Variants in SFPQ observed in about 807,000 individuals in gnomAD.
SFPQ encodes the protein splicing factor proline and glutamine rich.
Under a neutral mutation model 72.9 loss-of-function variants are expected in SFPQ, and 11 were observed. That is an observed-to-expected ratio of 0.15 (90% CI 0.09 to 0.25). The LOEUF is 0.25. SFPQ is among the 10% of genes least tolerant of loss of function. SFPQ has a pLI of 1.00. For missense variants in SFPQ, 847 were observed against 993.3 expected (o/e 0.85, Z 1.98); for synonymous variants, 506 against 367.3 (o/e 1.38, Z -4.32).
rs775677201 is a variant in SFPQ, at chr1:35,187,250, C to T, written c.1817G>A (p.Arg606Gln). Residue 606 changes from arginine (R) to glutamine (Q), a missense_variant and splice_region_variant, in exon 8 of 10, where the codon CGG (arginine) becomes CAG (glutamine). By Grantham distance (43) the Arg-to-Gln change is conservative (BLOSUM62 1). This residue lies in a region of SFPQ where 154 missense variants were observed against 186.0 expected (regional missense o/e 0.83). Coordinates refer to ENST00000357214, the MANE Select transcript of SFPQ (RefSeq NM_005066.3). ...GCCACCCATTCGCATGTCTCTTTCC[C>T]GCTGCAAGAAAAAAATTCCTTTCAA... ...SYSRMGYMDP[R>Q]ERDMRMGGGG... 1.9e-6 allele frequency: 3 copies of T among 1,614,056 alleles called. No homozygotes were observed. The highest frequency in any genetic ancestry group is 1.1e-5 in the South Asian group (1 of 91,074).
At chr1:35,179,082 G>A (rs1639363694), downstream of SFPQ, 1 of 1,056,824 alleles carries the variant, frequency 9.5e-7, no homozygotes, top group African/African-American at 1.6e-5. Context: ...TTTGAGAACT[G>A]CACTAGCTGA....
chr1:35,189,399 T>C lies in SFPQ; in HGVS notation c.1416-17A>G, dbSNP rs1316995932. The C allele has an allele frequency of 6.3e-7, 1 of 1,599,864 alleles. No homozygotes were observed. Among genetic ancestry groups the C allele is most frequent in the Non-Finnish European group, 8.6e-7 (1 of 1,168,756 alleles). ...TCTCTCTCCCTAACAATACACAAAA[T>C]TTTAACATGAACCGATTTGTGAATG... is the stretch of plus-strand genomic sequence containing the variant. On this transcript the variant is annotated splice_polypyrimidine_tract_variant and intron_variant, in intron 4 of 9. Transcript: ENST00000357214.
downstream of SFPQ, chr1:35,180,900 A>T: frequency 1.0e-6 from 1 of 985,334 alleles, no homozygotes; most frequent in Non-Finnish European, 1.2e-6. Flanking sequence ...ACTGAGTCAG[A>T]TATACCAAAG....
At position 35,187,986 on chromosome 1, in the gene SFPQ, C is replaced by T. The variant is rs762720031; in HGVS notation, c.1802G>A (p.Gly601Asp). ...AGGCTGACTTACTGGATCCATGTAG[C>T]CCATTCGGCTGTAACTTTCCTCTCT... is the stretch of plus-strand genomic sequence containing the variant. ...RQREESYSRMGYMDPRERDMR... is the reference protein window; with the variant it reads ...RQREESYSRMDYMDPRERDMR... Residue 601 changes from glycine to aspartate, a missense_variant, in exon 7 of 10, where the codon GGC becomes GAC. Transcript: ENST00000357214. 6.2e-7 allele frequency: 1 copy of T among 1,612,284 alleles called. No individual in the cohort carries two copies. Among genetic ancestry groups the T allele is most frequent in the Non-Finnish European group, 8.5e-7 (1 of 1,178,310 alleles).
chr1:35,176,664 T>A (rs768838364), intron 5 of SFPQ, among the ~76,000 whole-genome samples: 10 of 146,754 alleles, frequency 6.8e-5, no homozygotes, highest in Non-Finnish European at 1.5e-4. Flanking sequence ...GGTCAGGAGA[T>A]CAAGACCACC....
At position 35,192,625 on chromosome 1, in the gene SFPQ, G is replaced by A; in HGVS notation, c.425C>T (p.Pro142Leu). Residue 142 changes from proline to leucine, a missense_variant, in exon 1 of 10, where the codon CCG becomes CTG. Around this residue, in one of 6 missense-constraint regions of SFPQ, gnomAD observed 498 missense variants for 405.1 expected, o/e 1.23. Transcript: ENST00000357214. Reference protein sequence around the residue: ...PPATPPTSGAPPGSGPGPTPT... With the variant: ...PPATPPTSGALPGSGPGPTPT... ...AGTCGGGCCTGGCCCGGACCCTGGC[G>A]GGGCCCCCGAGGTTGGTGGAGTGGC... is the stretch of plus-strand genomic sequence containing the variant. 7.3e-7 allele frequency: 1 copy of A among 1,370,398 alleles called. No homozygotes were observed. The highest frequency in any genetic ancestry group is 9.3e-7 in the Non-Finnish European group (1 of 1,070,198). 84.9% of individuals were successfully genotyped at this position (1,370,398 alleles called of 1,614,324 possible).
In SFPQ at chr1:35,183,535, A is replaced by T. The variant is rs1163970613; in HGVS notation, c.*921T>A. The T allele has an allele frequency of 9.9e-7, 1 of 1,014,968 alleles. No individual in the cohort carries two copies. The highest frequency in any genetic ancestry group is 1.7e-5 in the African/African-American group (1 of 58,234). 62.9% of individuals were successfully genotyped at this position (1,014,968 alleles called of 1,614,324 possible). ...CCCGGCCCAGTTACTAAACCTTCTTACTTTCAAGTTTTGTTTTTTAGACTA... is the reference window on the plus strand; with the variant it reads ...CCCGGCCCAGTTACTAAACCTTCTTTCTTTCAAGTTTTGTTTTTTAGACTA... On this transcript the variant is annotated 3_prime_UTR_variant, in exon 10 of 10. Coordinates refer to ENST00000357214, the MANE Select transcript of SFPQ (RefSeq NM_005066.3).
At chr1:35,181,895 T>C, downstream of SFPQ, 1 of 985,308 alleles carries the variant, frequency 1.0e-6, no homozygotes, top group Non-Finnish European at 1.2e-6. Context: ...CATTGCTGTT[T>C]TAGTGATGAA....
Position 35,184,563 on chromosome 1 carries a change from C to G in SFPQ, c.2017G>C (p.Gly673Arg). 6.2e-7 allele frequency: 1 copy of G among 1,608,654 alleles called. No individual in the cohort carries two copies. ...RTERFGQGGAGPVGGQGPRGM... is the reference protein window; with the variant it reads ...RTERFGQGGARPVGGQGPRGM... The stretch of plus-strand genomic sequence containing the variant: ...CTAGGACCCTGTCCACCCACAGGCC[C>G]CGCACCTCCCTGCCCAAAGCGCTCA... The change falls in exon 10 of 10, where the codon GGG (glycine) becomes CGG (arginine). Residue 673 changes from glycine to arginine, a missense_variant. By Grantham distance (125) the Gly-to-Arg change is moderately radical. Transcript: ENST00000357214.
In SFPQ at chr1:35,190,601, C is replaced by T; in HGVS notation, c.1320-8G>A. ...ATGACTGGACGAGGAGTTCTAATAA[C>T]AAAAATGGTTCCATCTTAGCTTTGT... On this transcript the variant is annotated splice_polypyrimidine_tract_variant and splice_region_variant and intron_variant, in intron 3 of 9. Coordinates refer to ENST00000357214, the MANE Select transcript of SFPQ (RefSeq NM_005066.3). 6.2e-7 allele frequency: 1 copy of T among 1,610,210 alleles called. No homozygotes were observed. Among genetic ancestry groups the T allele is most frequent in the East Asian group, 2.2e-5 (1 of 44,852 alleles).
chr1:35,182,239 G>A (rs1048396710), downstream of SFPQ: 2 of 985,294 alleles, frequency 2.0e-6, no homozygotes, highest in Non-Finnish European at 2.4e-6. Flanking sequence ...CTTGTCTTTA[G>A]TAGAGTCCCT....
chr1:35,187,073 A>G lies in SFPQ; in HGVS notation c.1914T>C (p.Gly638=), dbSNP rs1639755495. ...CAGGATTAGCTTCATAACCTATGCC[A>G]CCACCACCTCCTAGAGGTGGAAATT... The part of the protein sequence containing the change: ...GQKFPPLGGG[G]GIGYEANPGV... Residue 638 remains glycine, a synonymous_variant, in exon 9 of 10, where the codon GGT becomes GGC. Transcript: ENST00000357214. 6 of 1,614,082 alleles carry G rather than the reference A, an allele frequency of 3.7e-6. No individual in the cohort carries two copies. Among genetic ancestry groups the G allele is most frequent in the Non-Finnish European group, 5.1e-6 (6 of 1,179,950 alleles).
chr1:35,188,179 T>A (rs1639817130), intron 6 of SFPQ, 89 bp from the exon 7 acceptor site: 2 of 981,054 alleles, frequency 2.0e-6, no homozygotes, highest in African/African-American at 3.2e-5. Context: ...ACCTAAGAAC[T>A]AGGTTAGCAC....
intron 6 of SFPQ, 27 bp downstream of exon 6, chr1:35,188,976 A>G: frequency 6.4e-7 from 1 of 1,566,822 alleles, no homozygotes; most frequent in African/African-American, 1.4e-5. Context: ...AAATAAATGA[A>G]GGCTTAAACC....
In SFPQ at chr1:35,192,756, CTGCTGCTGCTGA is replaced by C. The variant is rs773192015; in HGVS notation, c.282_293del (p.His94_Gln97del). Reference sequence around the variant, plus strand: ...AAGAGTCCTGCGGCGGTGGCGGCGGCTGCTGCTGCTGATGCGGCTGTGGATGCGGCGGCGGCT... The same window carrying C: ...AAGAGTCCTGCGGCGGTGGCGGCGGCTGCGGCTGTGGATGCGGCGGCGGCT... On this transcript the variant is annotated inframe_deletion, in exon 1 of 10. Coordinates refer to ENST00000357214, the MANE Select transcript of SFPQ (RefSeq NM_005066.3). 6 of 1,489,650 alleles carry C rather than the reference CTGCTGCTGCTGA, an allele frequency of 4.0e-6. No individual in the cohort carries two copies. Among genetic ancestry groups the C allele is most frequent in the Admixed American group, 4.4e-5 (2 of 44,974 alleles). 92.3% of individuals were successfully genotyped at this position (1,489,650 alleles called of 1,614,324 possible).
chr1:35,181,213 GTAC>G (rs1470431951), downstream of SFPQ: 1 of 1,065,432 alleles, frequency 9.4e-7, no homozygotes, highest in African/African-American at 1.6e-5. Flanking sequence ...GCCATTTGCG[GTAC>G]TACGTTCCTC....
downstream of SFPQ, chr1:35,179,898 G>T: frequency 9.5e-7 from 1 of 1,054,894 alleles, no homozygotes; most frequent in Non-Finnish European, 1.1e-6. Flanking sequence ...CCCCATCAGG[G>T]TTCTATGTAA....
rs202125127 is a variant in SFPQ at position 35,187,032 on chromosome 1, G to C, written c.1955C>G (p.Thr652Ser). The C allele has an allele frequency of 2.8e-5, 46 of 1,614,066 alleles. No individual in the cohort carries two copies. In the African/African-American group the frequency reaches 5.7e-4, roughly 20 times the overall value. ...ACTTCCCATCATGGAACCACTCATG[G>C]TTGCTGGTGGAACGCCAGGATTAGC... ...YEANPGVPPA[T>S]MSGSMMGSDM... The change falls in exon 9 of 10, where the codon ACC (threonine) becomes AGC (serine). Residue 652 changes from threonine to serine, a missense_variant. Physicochemically the swap from Thr to Ser is moderately conservative, Grantham distance 58. Transcript: ENST00000357214.
At chr1:35,180,724 G>A (rs1179022698), downstream of SFPQ, 2 of 1,059,296 alleles carry the variant, frequency 1.9e-6, no homozygotes, top group Non-Finnish European at 2.3e-6. Context: ...CGATCTATGG[G>A]CAGGTCAGTT....
Sources: gnomAD v4.1 joint callset for allele counts (sites outside exome capture counted in the v4.1 genomes callset) on GRCh38, gnomAD v4.1.1 for gene constraint, gnomAD v4.1.1 regional missense constraint, MANE v1.5 for transcripts, NCBI Gene and HGNC (gene_info 2026-07-23, HGNC 2026-07-21) for gene names.